The following LSP1 variants were observed in gnomAD, a reference collection of about 807,000 sequenced individuals.
The protein encoded by LSP1 is lymphocyte specific protein 1.
In LSP1, 32 loss-of-function variants were observed where a neutral mutation model predicts 49.3. That is an observed-to-expected ratio of 0.65 (90% confidence interval 0.49 to 0.87). The LOEUF (loss-of-function observed/expected upper bound fraction) is 0.87, where lower values mean the gene tolerates loss of function less well. Ranked by LOEUF, LSP1 falls within the 40% of genes least tolerant of loss-of-function variation. LSP1 has a pLI of 0.00. For synonymous variants in LSP1, 179 were observed against 178.8 expected, an observed-to-expected ratio of 1.00 and a Z score of -0.01; for missense variants, 428 against 442.6, an observed-to-expected ratio of 0.97 and a Z score of 0.30.
At chr11:1,856,872 C>A (rs1038439012) in intron 1 of LSP1, among the ~76,000 whole-genome samples, 2 of 152,226 alleles carry the variant, frequency 1.3e-5, no homozygotes, top group African/African-American at 4.8e-5. Context: ...GCGGTGCCCA[C>A]GACTGCTCAG....
At chr11:1,876,397 T>C in intron 1 of LSP1, 1 of 959,476 alleles carries the variant, frequency 1.0e-6, no homozygotes, top group Middle Eastern at 5.3e-4. Flanking sequence ...CCCTGTGGTG[T>C]CCAAGGGACC....
At chr11:1,871,241 A>T (rs1269490005) in intron 1 of LSP1, 1 of 986,462 alleles carries the variant, frequency 1.0e-6, no homozygotes, top group African/African-American at 1.7e-5. Flanking sequence ...GGGCAGGCAG[A>T]GCCGCAGCCA....
At chr11:1,886,467 T>C (rs1938247751) in intron 7 of LSP1, among the ~76,000 whole-genome samples, 1 of 152,190 alleles carries the variant, frequency 6.6e-6, no homozygotes, top group South Asian at 2.1e-4. Flanking sequence ...CCCCCAGCCC[T>C]ACCCCATGAG....
chr11:1,887,238 A>G lies in LSP1; in HGVS notation c.854A>G (p.Asp285Gly). 6.4e-7 allele frequency: 1 copy of G among 1,567,986 alleles called. No homozygotes were observed. Among genetic ancestry groups the G allele is most frequent in the Non-Finnish European group, 8.7e-7 (1 of 1,148,376 alleles). ...QSAAKTPSCKDIVAGDMSKKS... is the reference protein window; with the variant it reads ...QSAAKTPSCKGIVAGDMSKKS... Reference sequence around the variant, plus strand: ...GACATACCCTTCTGCTGCCCCCAGGATATTGTGGCTGGAGACATGAGCAAG... The same window carrying G: ...GACATACCCTTCTGCTGCCCCCAGGGTATTGTGGCTGGAGACATGAGCAAG... The change falls in exon 9 of 11, where the codon GAT becomes GGT. Residue 285 changes from aspartate to glycine, a missense_variant and splice_region_variant. Physicochemically the swap from Asp to Gly is moderately conservative, Grantham distance 94 (BLOSUM62 -1). Coordinates refer to ENST00000311604, the MANE Select transcript of LSP1 (RefSeq NM_002339.3).
intron 8 of LSP1, 42 bp from the exon 9 acceptor site, chr11:1,887,195 C>A (rs1245824702): frequency 2.2e-6 from 3 of 1,394,872 alleles, no homozygotes; most frequent in Non-Finnish European, 3.0e-6. Flanking sequence ...TCCCCAAGAT[C>A]CAGGGGTCTG....
rs549674809 is a variant in LSP1 at position 1,867,724 on chromosome 11, T to C, written c.54-12363T>C. On this transcript the variant is annotated intron_variant, in intron 1 of 10. Transcript: ENST00000311604. ...CTCAGTGATGAACCCTGAAGGGCCATGCTAGGTGCCCGCAGCTGCCAGGGA... is the reference window on the plus strand; with the variant it reads ...CTCAGTGATGAACCCTGAAGGGCCACGCTAGGTGCCCGCAGCTGCCAGGGA... 4.6e-5 allele frequency among the ~76,000 whole-genome samples: 7 copies of C among 152,276 alleles called. No individual in the cohort carries two copies. The South Asian group carries it at 1.4e-3, about 32-fold the overall frequency.
At chr11:1,872,187 G>A (rs1848053256) in intron 1 of LSP1, among the ~76,000 whole-genome samples, 1 of 139,038 alleles carries the variant, frequency 7.2e-6, no homozygotes, top group South Asian at 2.4e-4. Context: ...CTGTCCGGCT[G>A]GCGTGGGCAC....
At position 1,881,574 on chromosome 11, in the gene LSP1, C is replaced by T; in HGVS notation, c.334C>T (p.Pro112Ser). The T allele has an allele frequency of 6.6e-7, 1 of 1,516,188 alleles. No individual in the cohort carries two copies. Among genetic ancestry groups the T allele is most frequent in the Non-Finnish European group, 8.9e-7 (1 of 1,128,940 alleles). The allele number at this position is 1,516,188 out of a possible 1,614,324, so 93.9% of individuals were successfully genotyped here. A position where few individuals can be genotyped will look rare whatever the true frequency, so the allele number is the denominator to read the frequency against. Residue 112 changes from proline to serine, a missense_variant, in exon 3 of 11, where the codon CCT becomes TCT. Transcript: ENST00000311604. ...DSGEPPQCRS[P>S]EGEQEDRPGL... The stretch of plus-strand genomic sequence containing the variant: ...CGGAGAGCCCCCCCAGTGCAGGAGT[C>T]CTGAGGGGGAGCAAGAGGACAGGTG...
intron 1 of LSP1, chr11:1,864,284 A>T (rs749727591): frequency 1.7e-5 from 17 of 984,318 alleles, no homozygotes; most frequent in Non-Finnish European, 1.9e-5. Context: ...CGGCCGACGA[A>T]GGAGAAGAAC....
chr11:1,860,534 G>A (rs1207098086), intron 1 of LSP1, among the ~76,000 whole-genome samples: 1 of 152,206 alleles, frequency 6.6e-6, no homozygotes, highest in Non-Finnish European at 1.5e-5. Context: ...AAGAACATCT[G>A]TATGTATATA....
intron 1 of LSP1, chr11:1,868,618 C>T (rs1589812572): frequency 2.0e-6 from 2 of 980,176 alleles, no homozygotes; most frequent in Non-Finnish European, 2.4e-6. Flanking sequence ...GGTGTGGCTG[C>T]CTTGGGCCCA....
At chr11:1,853,769 T>A (rs1847419949) in intron 1 of LSP1, among the ~76,000 whole-genome samples, 1 of 152,170 alleles carries the variant, frequency 6.6e-6, no homozygotes. Flanking sequence ...GGCAGGTGCC[T>A]GTGCTGGGTG....
At chr11:1,869,613 C>G (rs995312884) in intron 1 of LSP1, 5 of 470,048 alleles carry the variant, frequency 1.1e-5, no homozygotes, top group Non-Finnish European at 4.4e-6. Flanking sequence ...TAGCAGGTGC[C>G]GGGGCAGAAG....
At position 1,887,994 on chromosome 11, in the gene LSP1, T is replaced by C. The variant is rs145395781; in HGVS notation, c.*13+418T>C. 5.8e-4 allele frequency among the ~76,000 whole-genome samples: 89 copies of C among 152,172 alleles called. 1 individual carries two copies. In the East Asian group the frequency reaches 0.016, roughly 28 times the overall value. On this transcript the variant is annotated intron_variant, in intron 10 of 10. Transcript: ENST00000311604. ...GTCCATAGAGGGGCAGGAACTTAGG[T>C]CCTACTCCCTGTCCCAGCCGAGAGC...
chr11:1,883,219 CAG>C (rs1848620419), intron 3 of LSP1, among the ~76,000 whole-genome samples, 198 bp from the exon 4 acceptor site: 1 of 152,274 alleles, frequency 6.6e-6, no homozygotes, highest in Admixed American at 6.5e-5. Flanking sequence ...GGCCCTGACA[CAG>C]GGGCCCAAGC....
intron 1 of LSP1, among the ~76,000 whole-genome samples, chr11:1,856,423 C>T (rs180794262): frequency 3.3e-5 from 5 of 152,374 alleles, no homozygotes; most frequent in Admixed American, 3.3e-4. Context: ...CCCAACCGCC[C>T]TGCTCCTCTG....
At chr11:1,889,482 A>G (rs111328505) in intron 10 of LSP1, 6,979 of 617,620 alleles carry the variant, frequency 0.011, 344 homozygotes, top group African/African-American at 0.11. Context: ...GGGGGTGGGC[A>G]CCTCTGGCTC....
intron 1 of LSP1, among the ~76,000 whole-genome samples, chr11:1,855,815 G>A (rs768770034): frequency 6.6e-6 from 1 of 152,214 alleles, no homozygotes; most frequent in Non-Finnish European, 1.5e-5. Flanking sequence ...CTCTGGTGAC[G>A]CTGGGGGATG....
rs150172209 is a variant in LSP1, at chr11:1,880,132, C to G, written c.99C>G (p.His33Gln). ...WSVEDEEEAVHEQCQHERDRQ... is the reference protein window; with the variant it reads ...WSVEDEEEAVQEQCQHERDRQ... ...TGGAGGACGAGGAGGAGGCCGTCCA[C>G]GAGCAATGCCAGCATGAGAGAGACA... The change falls in exon 2 of 11, where the codon CAC becomes CAG. Residue 33 changes from histidine to glutamine, a missense_variant. Physicochemically the swap from His to Gln is conservative, Grantham distance 24. Transcript: ENST00000311604. 1 of 1,608,726 alleles carries G rather than the reference C, an allele frequency of 6.2e-7. No homozygotes were observed. The highest frequency in any genetic ancestry group is 2.2e-5 in the East Asian group (1 of 44,454).
Sources: gnomAD v4.1 joint callset for allele counts (sites outside exome capture counted in the v4.1 genomes callset) on GRCh38, gnomAD v4.1.1 for gene constraint, MANE v1.5 for transcripts, NCBI Gene and HGNC (gene_info 2026-07-23, HGNC 2026-07-21) for gene names.